OVCH1: variants seen among roughly 807,000 people sequenced by gnomAD.
The protein encoded by OVCH1 is ovochymase 1, also known as ovochymase-1.
In OVCH1, 139 loss-of-function variants were observed where a neutral mutation model predicts 138.4. The ratio of observed to expected loss-of-function variants is 1.00; its 90% CI spans 0.87 to 1.16. The LOEUF is 1.16. OVCH1 is among the 50% of genes most tolerant of loss of function. OVCH1 has a pLI of 0.00. For missense variants in OVCH1, 1,367 were observed against 1,357.9 expected, an observed-to-expected ratio of 1.01 and a Z score of -0.11; for synonymous variants, 453 against 467.8, an observed-to-expected ratio of 0.97 and a Z score of 0.41.
chr12:29,461,064 T>A (rs1158766594), intron 19 of OVCH1, among the ~76,000 whole-genome samples: 1 of 152,136 alleles, frequency 6.6e-6, no homozygotes, highest in Non-Finnish European at 1.5e-5. Flanking sequence ...GCATGTTTCT[T>A]GACTGAGTGG....
At chr12:29,443,747 T>C (rs779056081) in intron 24 of OVCH1, among the ~76,000 whole-genome samples, 7 of 152,088 alleles carry the variant, frequency 4.6e-5, no homozygotes, top group Non-Finnish European at 8.8e-5. Flanking sequence ...TTGTGTGTAT[T>C]GTTTTAAATT....
intron 22 of OVCH1, among the ~76,000 whole-genome samples, chr12:29,447,150 C>T (rs755415690): frequency 5.3e-5 from 8 of 151,754 alleles, no homozygotes; most frequent in Non-Finnish European, 1.0e-4. Context: ...AAAAACTGGA[C>T]AAAAGATAAT....
At chr12:29,448,421 A>T (rs1941678307) in intron 22 of OVCH1, among the ~76,000 whole-genome samples, 2 of 151,898 alleles carry the variant, frequency 1.3e-5, no homozygotes, top group Admixed American at 1.3e-4. Flanking sequence ...ACATCAGTCA[A>T]GGTTGGTCTC....
intron 24 of OVCH1, among the ~76,000 whole-genome samples, 167 bp from the exon 25 acceptor site, chr12:29,443,667 A>G (rs930591787): frequency 1.3e-5 from 2 of 152,116 alleles, no homozygotes; most frequent in African/African-American, 4.8e-5. Flanking sequence ...TTTAAATTAT[A>G]TCAACTTTAT....
chr12:29,443,234 A>G (rs1941532819), intron 25 of OVCH1, 127 bp downstream of exon 25: 1 of 911,040 alleles, frequency 1.1e-6, no homozygotes, highest in Admixed American at 2.9e-5. Flanking sequence ...CAGTAAGTCT[A>G]TTTCAACATC....
At position 29,464,566 on chromosome 12, in the gene OVCH1, G is replaced by T. The variant is rs775736068; in HGVS notation, c.2066C>A (p.Ala689Glu). 3 of 1,613,622 alleles carry T rather than the reference G, an allele frequency of 1.9e-6. No individual in the cohort carries two copies. The South Asian group carries it at 3.3e-5, about 18-fold the overall frequency. Residue 689 changes from alanine to glutamate, a missense_variant, in exon 18 of 28, where the codon GCA (alanine) becomes GAA (glutamate). By Grantham distance (107) the Ala-to-Glu change is moderately radical. Transcript: ENST00000318184. ...GATCTCCGAGGAAAATAGAGGCTCT[G>T]CGCTGTGTGGGAGACATACTGGCCT...
intron 27 of OVCH1, chr12:29,431,019 A>G (rs752230076): frequency 2.5e-6 from 1 of 406,030 alleles, no homozygotes. Flanking sequence ...TGGAATATAG[A>G]ATAAGAACAT....
chr12:29,469,596 A>T (rs1449508755), intron 16 of OVCH1, among the ~76,000 whole-genome samples: 1 of 152,002 alleles, frequency 6.6e-6, no homozygotes, highest in African/African-American at 2.4e-5. Flanking sequence ...AGGGGTCAGG[A>T]AAGTGGGGCA....
At chr12:29,421,654 A>AAC (rs1941106395) in intron 3 of OVCH1, among the ~76,000 whole-genome samples, 1 of 152,214 alleles carries the variant, frequency 6.6e-6, no homozygotes, top group Admixed American at 6.5e-5. Context: ...TTCAAAATAC[A>AAC]ACATATATAT....
At chr12:29,493,932 T>G (rs531266171) in intron 4 of OVCH1, among the ~76,000 whole-genome samples, 1 of 152,366 alleles carries the variant, frequency 6.6e-6, no homozygotes, top group South Asian at 2.1e-4. Context: ...AATTTCATTC[T>G]CTCAGAGAAT....
chr12:29,495,145 G>T, intron 4 of OVCH1, 140 bp downstream of exon 4: 1 of 858,776 alleles, frequency 1.2e-6, no homozygotes, highest in Non-Finnish European at 1.8e-6. Flanking sequence ...ATAGGTTATA[G>T]ACCGAACAAA....
chr12:29,493,120 G>A (rs374569255), intron 4 of OVCH1, among the ~76,000 whole-genome samples: 23 of 152,224 alleles, frequency 1.5e-4, no homozygotes, highest in African/African-American at 2.4e-4. Context: ...TTGAGGAAAC[G>A]AAATTGACAT....
intron 19 of OVCH1, among the ~76,000 whole-genome samples, chr12:29,455,704 A>AT (rs1440483354): frequency 2.0e-5 from 3 of 152,238 alleles, no homozygotes; most frequent in South Asian, 4.1e-4. Context: ...TAGTCTTTAA[A>AT]TTATATCAAT....
At chr12:29,420,434 G>A (rs1034188613) in intron 3 of OVCH1, among the ~76,000 whole-genome samples, 1 of 151,082 alleles carries the variant, frequency 6.6e-6, no homozygotes, top group Admixed American at 6.6e-5. Context: ...GAAAGAGAGG[G>A]CAGCATTGTT....
the OVCH1 span, among the ~76,000 whole-genome samples, chr12:29,403,343 T>G: frequency 6.6e-6 from 1 of 152,318 alleles, no homozygotes; most frequent in East Asian, 1.9e-4. Flanking sequence ...TATATGTAAA[T>G]TTTCTATTTC....
intron 21 of OVCH1, among the ~76,000 whole-genome samples, chr12:29,453,326 G>T (rs1941851545): frequency 6.6e-6 from 1 of 152,158 alleles, no homozygotes; most frequent in African/African-American, 2.4e-5. Flanking sequence ...GATTTTAGCG[G>T]TCATTTTCTC....
exon 4 of OVCH1, chr12:29,495,314 A>G (rs1401359183): frequency 6.2e-7 from 1 of 1,612,632 alleles, no homozygotes. Flanking sequence ...TAGATACAGC[A>G]GTGCAATATC....
intron 21 of OVCH1, among the ~76,000 whole-genome samples, chr12:29,452,630 C>G (rs1279601274): frequency 6.6e-6 from 1 of 152,190 alleles, no homozygotes; most frequent in Non-Finnish European, 1.5e-5. Flanking sequence ...AGAGTCTGGC[C>G]TCAGCCTGTC....
chr12:29,427,439 T>G, downstream of OVCH1: 1 of 1,270,070 alleles, frequency 7.9e-7, no homozygotes. Flanking sequence ...AGGAAGGCTA[T>G]TTAGATTGTA....
Sources: gnomAD v4.1 joint callset for allele counts (sites outside exome capture counted in the v4.1 genomes callset) on GRCh38, gnomAD v4.1.1 for gene constraint, MANE v1.5 for transcripts, NCBI Gene and HGNC (gene_info 2026-07-23, HGNC 2026-07-21) for gene names.